The following SERPINB7 variants were observed in gnomAD, a reference collection of about 807,000 sequenced individuals.
The protein encoded by SERPINB7 is serpin B7.
SERPINB7 carries 31 observed loss-of-function variants against 37.4 expected under a neutral mutation model. The ratio of observed to expected loss-of-function variants is 0.83; its 90% CI spans 0.62 to 1.12. The LOEUF (loss-of-function observed/expected upper bound fraction) is 1.12. Among genes scored for constraint, SERPINB7 ranks in the 50% most tolerant of loss-of-function variants. The pLI is 0.00. For synonymous variants in SERPINB7, 163 were observed against 166.1 expected (o/e 0.98, Z 0.14); for missense variants, 521 against 455.3 (o/e 1.14, Z -1.31).
chr18:63,759,631 G>A (rs1376940530), intron 1 of SERPINB7, among the ~76,000 whole-genome samples: 3 of 152,126 alleles, frequency 2.0e-5, no homozygotes, highest in Non-Finnish European at 4.4e-5. Context: ...GTTTGGCTGT[G>A]TCTCCACCCA....
chr18:63,763,747 C>T (rs1432641929), intron 1 of SERPINB7, among the ~76,000 whole-genome samples: 8 of 152,146 alleles, frequency 5.3e-5, no homozygotes, highest in Admixed American at 3.9e-4. Context: ...TTTAATAAGG[C>T]AGAAATTATT....
upstream of SERPINB7, among the ~76,000 whole-genome samples, chr18:63,771,634 G>A (rs1235092073): frequency 2.0e-5 from 3 of 152,106 alleles, no homozygotes; most frequent in South Asian, 2.1e-4. Context: ...CTAAGGGTTC[G>A]CACGGGTTGG....
In SERPINB7 at chr18:63,764,825, C is replaced by T. The variant is rs187813527; in HGVS notation, c.-19+11705C>T. Among the ~76,000 whole-genome samples, 264 of 152,128 alleles carry T rather than the reference C, an allele frequency of 1.7e-3. 1 individual carries two copies. Among genetic ancestry groups the T allele is most frequent in the Non-Finnish European group, 3.2e-3 (218 of 67,990 alleles). ...TATTATTATTACATGTGTGTATCAT[C>T]ACCTCATATCTAAAGACTACAGAAG... is the stretch of plus-strand genomic sequence containing the variant. On this transcript the variant is annotated intron_variant, in intron 1 of 7. Transcript: ENST00000336429.
Position 63,798,576 on chromosome 18 carries a change from A to G in SERPINB7, c.455-28A>G, listed in dbSNP as rs1720858. ...TTTTTAAAATTATATTAAAATAAACATTTTTCCCTCAATTTTTTTTTCAAA... is the reference window on the plus strand; with the variant it reads ...TTTTTAAAATTATATTAAAATAAACGTTTTTCCCTCAATTTTTTTTTCAAA... On this transcript the variant is annotated intron_variant, in intron 5 of 7. Transcript: ENST00000398019. 0.54 allele frequency: 813,879 copies of G among 1,519,394 alleles called. 222,388 individuals are homozygous for G. Among genetic ancestry groups the G allele is most frequent in the African/African-American group, 0.74 (52,612 of 71,026 alleles). The allele number at this position is 1,519,394 out of a possible 1,614,324, so 94.1% of individuals were successfully genotyped here.
At chr18:63,764,633 T>C (rs1198394690) in intron 1 of SERPINB7, among the ~76,000 whole-genome samples, 1 of 145,452 alleles carries the variant, frequency 6.9e-6, no homozygotes, top group Non-Finnish European at 1.5e-5. Context: ...TATACTCTTA[T>C]TAAACAATTT....
At chr18:63,765,611 A>G (rs567387287) in intron 1 of SERPINB7, among the ~76,000 whole-genome samples, 1 of 152,130 alleles carries the variant, frequency 6.6e-6, no homozygotes, top group East Asian at 1.9e-4. Context: ...GGTTTTCCTC[A>G]TCCTATGCCA....
rs1243830668 is a variant in SERPINB7, at chr18:63,804,757, G to C, written c.*122G>C. On this transcript the variant is annotated 3_prime_UTR_variant, in exon 8 of 8. Coordinates refer to ENST00000398019, the MANE Select transcript of SERPINB7 (RefSeq NM_003784.4). ...TTTGAGTTTATTTCTTCCTAACATT[G>C]GTCAGCAGATGACACTGGTGACTTG... 1 of 1,045,086 alleles carries C rather than the reference G, an allele frequency of 9.6e-7. No homozygotes were observed. The highest frequency in any genetic ancestry group is 1.4e-6 in the Non-Finnish European group (1 of 730,636). 64.7% of individuals were successfully genotyped at this position (1,045,086 alleles called of 1,614,324 possible).
At chr18:63,783,232 G>GAGAGAGAAAGAAAGAA (rs2049328062) in intron 2 of SERPINB7, among the ~76,000 whole-genome samples, 4 of 40,758 alleles carry the variant, frequency 9.8e-5, no homozygotes, top group African/African-American at 3.6e-4. Context: ...GAGAGAGAGA[G>GAGAGAGAAAGAAAGAA]AGAAAGAAAG....
intron 5 of SERPINB7, among the ~76,000 whole-genome samples, chr18:63,796,804 C>T (rs1044176315): frequency 4.6e-5 from 7 of 152,176 alleles, no homozygotes; most frequent in African/African-American, 1.7e-4. Flanking sequence ...CATAACATTT[C>T]ATTTAATAAT....
chr18:63,784,463 A>G (rs2049344653), intron 2 of SERPINB7, among the ~76,000 whole-genome samples: 1 of 152,274 alleles, frequency 6.6e-6, no homozygotes, highest in Admixed American at 6.5e-5. Context: ...AAACTGAAAT[A>G]TAGCTCAAAG....
At chr18:63,800,168 C>T (rs1357355609) in intron 6 of SERPINB7, among the ~76,000 whole-genome samples, 1 of 151,966 alleles carries the variant, frequency 6.6e-6, no homozygotes, top group Non-Finnish European at 1.5e-5. Context: ...GTCCTCCCAC[C>T]TCAGCCTCCC....
At chr18:63,783,275 AAAG>A (rs1181314534) in intron 2 of SERPINB7, among the ~76,000 whole-genome samples, 18 of 148,380 alleles carry the variant, frequency 1.2e-4, no homozygotes, top group Admixed American at 8.1e-4. Context: ...AGAAAGAAAG[AAAG>A]AAAGAAAGAA....
At chr18:63,799,040 A>G (rs1158359217) in intron 6 of SERPINB7, among the ~76,000 whole-genome samples, 4 of 152,216 alleles carry the variant, frequency 2.6e-5, no homozygotes, top group African/African-American at 9.6e-5. Context: ...GAGACCTATA[A>G]GAAAATATAT....
At position 63,800,979 on chromosome 18, in the gene SERPINB7, G is replaced by A. The variant is rs376022026; in HGVS notation, c.711G>A (p.Met237Ile). 6.2e-7 allele frequency: 1 copy of A among 1,613,904 alleles called. No homozygotes were observed. The highest frequency in any genetic ancestry group is 1.1e-5 in the South Asian group (1 of 91,068). Residue 237 changes from methionine to isoleucine, a missense_variant, in exon 7 of 8, where the codon ATG (methionine) becomes ATA (isoleucine). Met to Ile is a conservative substitution (Grantham distance 10, BLOSUM62 1). Transcript: ENST00000398019. The part of the protein sequence containing the change: ...LELRYNGGIN[M>I]YVLLPENDLS... ...TCAGATACAATGGTGGCATAAACATGTACGTTCTGCTGCCTGAGAATGACC... is the reference window on the plus strand; with the variant it reads ...TCAGATACAATGGTGGCATAAACATATACGTTCTGCTGCCTGAGAATGACC...
At chr18:63,773,139 C>T (rs2049221200), upstream of SERPINB7, among the ~76,000 whole-genome samples, 1 of 152,040 alleles carries the variant, frequency 6.6e-6, no homozygotes, top group African/African-American at 2.4e-5. Context: ...AACATGCAAT[C>T]ACTTAGAATG....
chr18:63,796,104 C>T (rs1435835668), intron 4 of SERPINB7, among the ~76,000 whole-genome samples, 162 bp from the exon 5 acceptor site: 1 of 152,158 alleles, frequency 6.6e-6, no homozygotes, highest in African/African-American at 2.4e-5. Flanking sequence ...ACCAGATCCC[C>T]TTCCAGTCCC....
intron 1 of SERPINB7, among the ~76,000 whole-genome samples, chr18:63,770,409 C>G (rs1199233949): frequency 6.6e-6 from 1 of 151,870 alleles, no homozygotes; most frequent in Non-Finnish European, 1.5e-5. Flanking sequence ...CTCATAGTTA[C>G]TCTATGGCTT....
chr18:63,795,079 T>C (rs2049472853), intron 4 of SERPINB7, among the ~76,000 whole-genome samples: 1 of 152,224 alleles, frequency 6.6e-6, no homozygotes. Context: ...AGCAAGTATT[T>C]CTTAGGCAAC....
intron 1 of SERPINB7, chr18:63,777,890 AC>A (rs2144603764): frequency 9.2e-6 from 1 of 109,114 alleles, no homozygotes; most frequent in African/African-American, 2.7e-5. Flanking sequence ...ACACACACAC[AC>A]ACACACACAC....
Sources: gnomAD v4.1 joint callset for allele counts (sites outside exome capture counted in the v4.1 genomes callset) on GRCh38, gnomAD v4.1.1 for gene constraint, MANE v1.5 for transcripts, NCBI Gene and HGNC (gene_info 2026-07-23, HGNC 2026-07-21) for gene names.